PPARA: variants seen among roughly 807,000 people sequenced by gnomAD.
PPARA encodes the protein peroxisome proliferator-activated receptor alpha.
In PPARA, 22 loss-of-function variants were observed where a neutral mutation model predicts 42.2. The observed-to-expected ratio is 0.52, with a 90% CI of 0.37 to 0.74. The LOEUF (loss-of-function observed/expected upper bound fraction) is 0.74, where lower values mean the gene tolerates loss of function less well. Among genes scored for constraint, PPARA ranks in the 30% least tolerant of loss-of-function variants. The pLI is 0.00. For synonymous variants in PPARA, 242 were observed against 239.3 expected (o/e 1.01, Z -0.10); for missense variants, 465 against 608.2 (o/e 0.76, Z 2.48).
rs1053482115 is a variant in PPARA at position 46,212,499 on chromosome 22, A to G, written c.209-2674A>G. Among the ~76,000 whole-genome samples the G allele has an allele frequency of 1.3e-5, 2 of 152,240 alleles. No homozygotes were observed. Among genetic ancestry groups the G allele is most frequent in the Non-Finnish European group, 2.9e-5 (2 of 68,042 alleles). On this transcript the variant is annotated intron_variant, in intron 4 of 8. Transcript: ENST00000407236. The surrounding 1 kb of genome is among the most constrained non-coding windows in gnomAD (Gnocchi z 4.2). ...ATAATTTTGCCTTTTCCAGAACGCC[A>G]TGAATTTGAAATCATATAGTATGTA...
Position 46,156,848 on chromosome 22 carries a change from T to C in PPARA, c.-127+4878T>C, listed in dbSNP as rs135553. On this transcript the variant is annotated intron_variant, in intron 2 of 8. Transcript: ENST00000407236. This position sits in a 1 kb window ranked among gnomAD's most constrained non-coding sequence, Gnocchi z 5.2. ...AACTTCTGACCTCAGGTGATCCACC[T>C]GCTTCAGCCTCCCAAAGTCTTAGGA... 0.51 allele frequency among the ~76,000 whole-genome samples: 77,752 copies of C among 152,004 alleles called. 22,282 individuals are homozygous for C. The highest frequency in any genetic ancestry group is 0.78 in the African/African-American group (32,521 of 41,462).
intron 7 of PPARA, among the ~76,000 whole-genome samples, chr22:46,228,553 G>A (rs1035846038): frequency 2.0e-5 from 3 of 151,572 alleles, no homozygotes; most frequent in African/African-American, 7.3e-5. Flanking sequence ...AAAAACCAAG[G>A]GGTCCCACAT....
At chr22:46,185,333 C>T (rs910618274) in intron 3 of PPARA, among the ~76,000 whole-genome samples, 1 of 152,182 alleles carries the variant, frequency 6.6e-6, no homozygotes. Flanking sequence ...CTTCCTTTTT[C>T]ATGAGTGCAG....
rs917664617 is a variant in PPARA at position 46,192,920 on chromosome 22, A to C, written c.-42-5422A>C. Among the ~76,000 whole-genome samples, 2 of 152,178 alleles carry C rather than the reference A, an allele frequency of 1.3e-5. No homozygotes were observed. The highest frequency in any genetic ancestry group is 4.8e-5 in the African/African-American group (2 of 41,462). The stretch of plus-strand genomic sequence containing the variant: ...TGTTCTCACTTATTTGTGGGCTCTA[A>C]AAATCAAATCACTTGAACTCAGAGA... On this transcript the variant is annotated intron_variant, in intron 3 of 8. Coordinates refer to ENST00000407236, the MANE Select transcript of PPARA (RefSeq NM_005036.6). The surrounding 1 kb of genome is among the most constrained non-coding windows in gnomAD (Gnocchi z 4.3).
chr22:46,152,132 A>ATTTTTTTTT (rs780789203), intron 2 of PPARA, among the ~76,000 whole-genome samples, 162 bp downstream of exon 2: 2 of 104,682 alleles, frequency 1.9e-5, no homozygotes, highest in African/African-American at 3.8e-5. Context: ...GCATGGATTC[A>ATTTTTTTTT]TTTTTTTTTT....
At chr22:46,226,158 C>CATATAT (rs10570542) in intron 7 of PPARA, among the ~76,000 whole-genome samples, 7 of 151,384 alleles carry the variant, frequency 4.6e-5, no homozygotes, top group African/African-American at 1.7e-4. Context: ...AGCATGCACA[C>CATATAT]ATATATATAT....
rs1936379864 is a variant in PPARA at position 46,241,895 on chromosome 22, C to T, written c.*6515C>T. On this transcript the variant is annotated 3_prime_UTR_variant, in exon 9 of 9. Coordinates refer to ENST00000407236, the MANE Select transcript of PPARA (RefSeq NM_005036.6). The surrounding 1 kb of genome is among the most constrained non-coding windows in gnomAD (Gnocchi z 5.7). ...CTCAAATACTTGAGTGGTCTCATGG[C>T]TGTTAGATGGATTATTTGAAAAAAA... The T allele has an allele frequency of 7.7e-6, 1 of 129,818 alleles. No homozygotes were observed. The highest frequency in any genetic ancestry group is 1.5e-5 in the Non-Finnish European group (1 of 64,560). The allele number at this position is 129,818 out of a possible 1,614,324, so 8.0% of individuals were successfully genotyped here. A position where few individuals can be genotyped will look rare whatever the true frequency, so the allele number is the denominator to read the frequency against.
At chr22:46,214,217 T>A (rs1168230208) in intron 4 of PPARA, among the ~76,000 whole-genome samples, 1 of 151,674 alleles carries the variant, frequency 6.6e-6, no homozygotes, top group African/African-American at 2.4e-5. Context: ...TCCTGCAGGG[T>A]GAGGTATGGG....
chr22:46,158,808 A>G (rs147028816), intron 2 of PPARA, among the ~76,000 whole-genome samples: 1 of 152,208 alleles, frequency 6.6e-6, no homozygotes, highest in Admixed American at 6.5e-5. Flanking sequence ...TAGGATTATG[A>G]GTAAATTTGA....
At position 46,169,923 on chromosome 22, in the gene PPARA, A is replaced by G. The variant is rs955828976; in HGVS notation, c.-126-6830A>G. ...CATCCTGACTACGTTTACTTGAATG[A>G]TGTGGACTTTACAGAGCTGACTATA... On this transcript the variant is annotated intron_variant, in intron 2 of 8. Coordinates refer to ENST00000407236, the MANE Select transcript of PPARA (RefSeq NM_005036.6). Among the ~76,000 whole-genome samples the G allele has an allele frequency of 4.6e-5, 7 of 151,994 alleles. No individual in the cohort carries two copies. The South Asian group carries it at 1.5e-3, about 32-fold the overall frequency.
At chr22:46,153,535 A>T (rs1002991533) in intron 2 of PPARA, among the ~76,000 whole-genome samples, 1 of 152,130 alleles carries the variant, frequency 6.6e-6, no homozygotes, top group Non-Finnish European at 1.5e-5. Context: ...AGTGGTTTTC[A>T]TTAGCTCCTG....
Position 46,218,362 on chromosome 22 carries a change from C to G in PPARA, c.469C>G (p.Arg157Gly). Residue 157 changes from arginine (R) to glycine (G), a missense_variant, in exon 6 of 9, where the codon CGA (arginine) becomes GGA (glycine). Physicochemically the swap from Arg to Gly is moderately radical, Grantham distance 125. Around this residue, in one of 2 missense-constraint regions of PPARA, gnomAD observed 313 missense variants for 469.1 expected, o/e 0.67. Coordinates refer to ENST00000407236, the MANE Select transcript of PPARA (RefSeq NM_005036.6). ...KKNRNKCQYC[R>G]FHKCLSVGMS... Reference sequence around the variant, plus strand: ...GAACAGAAACAAATGCCAGTATTGTCGATTTCACAAGTGCCTTTCTGTCGG... The same window carrying G: ...GAACAGAAACAAATGCCAGTATTGTGGATTTCACAAGTGCCTTTCTGTCGG... The G allele has an allele frequency of 6.2e-7, 1 of 1,614,060 alleles. No homozygotes were observed. The highest frequency in any genetic ancestry group is 8.5e-7 in the Non-Finnish European group (1 of 1,180,010).
chr22:46,196,865 G>C lies in PPARA; in HGVS notation c.-42-1477G>C, dbSNP rs1932297606. Among the ~76,000 whole-genome samples, 1 of 152,014 alleles carries C rather than the reference G, an allele frequency of 6.6e-6. No homozygotes were observed. The highest frequency in any genetic ancestry group is 2.4e-5 in the African/African-American group (1 of 41,382). On this transcript the variant is annotated intron_variant, in intron 3 of 8. Transcript: ENST00000407236. The surrounding 1 kb of genome is among the most constrained non-coding windows in gnomAD (Gnocchi z 5.6). ...AACCTCCTGAGTAGCTGGGATTACA[G>C]GTGCCTGCCACCATGCCCAGCTAAT...
At position 46,237,037 on chromosome 22, in the gene PPARA, T is replaced by A. The variant is rs181140325; in HGVS notation, c.*1657T>A. The A allele has an allele frequency of 8.5e-5, 13 of 152,280 alleles. No homozygotes were observed. In the East Asian group the frequency reaches 2.5e-3, roughly 29 times the overall value. The allele number at this position is 152,280 out of a possible 1,614,324, so 9.4% of individuals were successfully genotyped here. A position where few individuals can be genotyped will look rare whatever the true frequency, so the allele number is the denominator to read the frequency against. On this transcript the variant is annotated 3_prime_UTR_variant, in exon 9 of 9. Coordinates refer to ENST00000407236, the MANE Select transcript of PPARA (RefSeq NM_005036.6). The surrounding 1 kb of genome is among the most constrained non-coding windows in gnomAD (Gnocchi z 6.7). ...AATTGTCCTGTTGAGAATTTTTAGATCTGGACTGGAACTGCCAGGACCACC... is the reference window on the plus strand; with the variant it reads ...AATTGTCCTGTTGAGAATTTTTAGAACTGGACTGGAACTGCCAGGACCACC...
Position 46,227,849 on chromosome 22 carries a change from T to C in PPARA, c.712-3943T>C, listed in dbSNP as rs958558310. Among the ~76,000 whole-genome samples the C allele has an allele frequency of 6.6e-6, 1 of 152,256 alleles. No homozygotes were observed. The highest frequency in any genetic ancestry group is 2.4e-5 in the African/African-American group (1 of 41,478). On this transcript the variant is annotated intron_variant, in intron 7 of 8. Coordinates refer to ENST00000407236, the MANE Select transcript of PPARA (RefSeq NM_005036.6). This position sits in a 1 kb window ranked among gnomAD's most constrained non-coding sequence, Gnocchi z 4.3. Reference sequence around the variant, plus strand: ...GCATATTCCAAAGTTAAATATAAGCTGCTGCATAGATTTTTTTGTAAAATG... The same window carrying C: ...GCATATTCCAAAGTTAAATATAAGCCGCTGCATAGATTTTTTTGTAAAATG...
chr22:46,174,581 C>T (rs1446376221), intron 2 of PPARA, among the ~76,000 whole-genome samples: 2 of 152,046 alleles, frequency 1.3e-5, no homozygotes, highest in Non-Finnish European at 2.9e-5. Context: ...CTTTGGGAAG[C>T]CGAGGTGGGA....
At position 46,225,394 on chromosome 22, in the gene PPARA, G is replaced by C; in HGVS notation, c.711+5380G>C. Among the ~76,000 whole-genome samples, 1 of 152,152 alleles carries C rather than the reference G, an allele frequency of 6.6e-6. No individual in the cohort carries two copies. Among genetic ancestry groups the C allele is most frequent in the African/African-American group, 2.4e-5 (1 of 41,422 alleles). On this transcript the variant is annotated intron_variant, in intron 7 of 8. Transcript: ENST00000407236. The surrounding 1 kb of genome is among the most constrained non-coding windows in gnomAD (Gnocchi z 4.1). ...GTCTAAAAACATAAGATGTTGACCT[G>C]TCAGGGGTTGAGAATGTCGTCAGAA...
rs1049645034 is a variant in PPARA at position 46,224,200 on chromosome 22, C to T, written c.711+4186C>T. ...GCGTCCCACCCCATGTCCTTGTCTG[C>T]GCACGGGACGCTGGAGGCACGGCCC... On this transcript the variant is annotated intron_variant, in intron 7 of 8. Coordinates refer to ENST00000407236, the MANE Select transcript of PPARA (RefSeq NM_005036.6). This position sits in a 1 kb window ranked among gnomAD's most constrained non-coding sequence, Gnocchi z 5.7. Among the ~76,000 whole-genome samples the T allele has an allele frequency of 5.3e-5, 8 of 152,208 alleles. No individual in the cohort carries two copies. Among genetic ancestry groups the T allele is most frequent in the East Asian group, 1.9e-4 (1 of 5,188 alleles).
At chr22:46,168,941 C>T (rs1927546679) in intron 2 of PPARA, among the ~76,000 whole-genome samples, 1 of 151,856 alleles carries the variant, frequency 6.6e-6, no homozygotes, top group South Asian at 2.1e-4. Flanking sequence ...AAGCTATATA[C>T]TGTCTGCTTC....
Sources: allele counts gnomAD v4.1 joint callset (sites outside exome capture counted in the v4.1 genomes callset), GRCh38; gene constraint gnomAD v4.1.1; regional missense constraint gnomAD v4.1.1; non-coding constraint Gnocchi (gnomAD v3.1); transcripts MANE v1.5; gene names NCBI Gene and HGNC (gene_info 2026-07-23, HGNC 2026-07-21).